The following CACNA2D3 variants were observed in gnomAD, a reference collection of about 807,000 sequenced individuals.
CACNA2D3 encodes the protein voltage-dependent calcium channel subunit alpha-2/delta-3.
In CACNA2D3, 60 loss-of-function variants were observed where a neutral mutation model predicts 160.6. The ratio of observed to expected loss-of-function variants is 0.37; its 90% CI spans 0.30 to 0.46. The LOEUF (loss-of-function observed/expected upper bound fraction) is 0.46. CACNA2D3 is among the 20% of genes least tolerant of loss of function. The probability of loss-of-function intolerance (pLI) is 1.00; values close to 1 mark genes in which losing one functional copy is unlikely to be tolerated. For synonymous variants in CACNA2D3, 558 were observed against 492.9 expected (o/e 1.13, Z -1.75); for missense variants, 1,205 against 1,365.0 (o/e 0.88, Z 1.85).
chr3:54,428,632 A>G (rs1274658866), intron 4 of CACNA2D3, among the ~76,000 whole-genome samples: 2 of 152,038 alleles, frequency 1.3e-5, no homozygotes, highest in African/African-American at 4.8e-5. Flanking sequence ...TGTCCACCCA[A>G]ATGGGCCTTA....
In CACNA2D3 at chr3:54,891,466, C is replaced by G. The variant is rs137949841; in HGVS notation, c.2246+16C>G. On this transcript the variant is annotated intron_variant, in intron 25 of 37. Coordinates refer to ENST00000474759, the MANE Select transcript of CACNA2D3 (RefSeq NM_018398.3). ...TCACCAATCAGTAAGTAGGAGGGAT[C>G]CTCTACAGGGGCCCAGGGAGCTTCT... is the stretch of plus-strand genomic sequence containing the variant. 1 of 1,578,746 alleles carries G rather than the reference C, an allele frequency of 6.3e-7. No homozygotes were observed.
chr3:54,315,169 T>C (rs1462116533), intron 2 of CACNA2D3, among the ~76,000 whole-genome samples: 1 of 152,208 alleles, frequency 6.6e-6, no homozygotes, highest in Non-Finnish European at 1.5e-5. Context: ...GTAGCCTGCA[T>C]GTGGCCATGG....
At chr3:54,220,936 T>G (rs1010454788) in intron 2 of CACNA2D3, among the ~76,000 whole-genome samples, 1 of 152,146 alleles carries the variant, frequency 6.6e-6, no homozygotes, top group Non-Finnish European at 1.5e-5. Flanking sequence ...TCTAAGATGC[T>G]GAGATATTAT....
chr3:55,051,104 C>G (rs762519716), intron 35 of CACNA2D3, among the ~76,000 whole-genome samples: 1 of 150,828 alleles, frequency 6.6e-6, no homozygotes, highest in African/African-American at 2.4e-5. Flanking sequence ...TCTCTCAGCT[C>G]GTCAAAGTCA....
At position 54,231,778 on chromosome 3, in the gene CACNA2D3, A is replaced by G. The variant is rs1701774107; in HGVS notation, c.205-88664A>G. 2.0e-5 allele frequency among the ~76,000 whole-genome samples: 3 copies of G among 147,112 alleles called. No homozygotes were observed. The South Asian group carries it at 6.7e-4, about 33-fold the overall frequency. ...ACATGGTCTTGTCAAGGCCAAGGTT[A>G]TTGGTTTCATGTTCGTCATATTCCA... On this transcript the variant is annotated intron_variant, in intron 2 of 37. Transcript: ENST00000474759.
intron 10 of CACNA2D3, among the ~76,000 whole-genome samples, chr3:54,634,767 G>A (rs1699327303): frequency 6.6e-6 from 1 of 152,164 alleles, no homozygotes; most frequent in South Asian, 2.1e-4. Flanking sequence ...CATCAGTTAA[G>A]GCAAGGACTG....
intron 2 of CACNA2D3, among the ~76,000 whole-genome samples, chr3:54,229,451 C>G (rs569418658): frequency 9.9e-5 from 15 of 152,252 alleles, no homozygotes; most frequent in Non-Finnish European, 1.8e-4. Context: ...CCTTGGCCTC[C>G]CAAAGTGCTG....
At chr3:54,475,896 A>G (rs1234941642) in intron 4 of CACNA2D3, among the ~76,000 whole-genome samples, 2 of 150,844 alleles carry the variant, frequency 1.3e-5, no homozygotes, top group East Asian at 2.0e-4. Context: ...TATTCAGTGC[A>G]TTAGTATTAA....
intron 34 of CACNA2D3, among the ~76,000 whole-genome samples, chr3:55,011,648 G>A (rs948488209): frequency 1.3e-5 from 2 of 152,098 alleles, no homozygotes; most frequent in Non-Finnish European, 2.9e-5. Context: ...ACATAAAATG[G>A]TGGGAGGAAG....
intron 4 of CACNA2D3, among the ~76,000 whole-genome samples, chr3:54,459,190 G>C (rs1700453988): frequency 6.6e-6 from 1 of 152,094 alleles, no homozygotes; most frequent in African/African-American, 2.4e-5. Context: ...ATTTGGGTTG[G>C]TTCCAAGTCT....
intron 2 of CACNA2D3, among the ~76,000 whole-genome samples, chr3:54,317,152 C>T (rs1467494357): frequency 6.6e-6 from 1 of 152,168 alleles, no homozygotes; most frequent in Non-Finnish European, 1.5e-5. Flanking sequence ...GGAATTTTAG[C>T]TCCAAAGATA....
At chr3:54,502,233 C>T (rs920800196) in intron 4 of CACNA2D3, among the ~76,000 whole-genome samples, 2 of 152,140 alleles carry the variant, frequency 1.3e-5, no homozygotes, top group Non-Finnish European at 2.9e-5. Context: ...AGTTTCCATT[C>T]TTCTCAGTCT....
chr3:54,130,079 G>A (rs1301085373), intron 2 of CACNA2D3, among the ~76,000 whole-genome samples: 1 of 152,220 alleles, frequency 6.6e-6, no homozygotes, highest in African/African-American at 2.4e-5. Flanking sequence ...TATGTAATTT[G>A]TGGTCCTCAG....
Position 54,287,263 on chromosome 3 carries a change from G to T in CACNA2D3, c.205-33179G>T, listed in dbSNP as rs527260718. Among the ~76,000 whole-genome samples the T allele has an allele frequency of 2.6e-5, 4 of 152,246 alleles. No homozygotes were observed. The South Asian group carries it at 8.3e-4, about 32-fold the overall frequency. On this transcript the variant is annotated intron_variant, in intron 2 of 37. Coordinates refer to ENST00000474759, the MANE Select transcript of CACNA2D3 (RefSeq NM_018398.3). ...CCAAGCAAATGGAAAACAAAAAAAG[G>T]CAGGGGTTGCAATCCTAGTCTCTGA...
chr3:54,235,808 C>T (rs1400531087), intron 2 of CACNA2D3, among the ~76,000 whole-genome samples: 1 of 152,172 alleles, frequency 6.6e-6, no homozygotes, highest in Non-Finnish European at 1.5e-5. Flanking sequence ...AGTAGCTGCT[C>T]CGGCTTCCGG....
chr3:54,209,415 GAGAACTTTCAAC>G (rs1304898191), intron 2 of CACNA2D3, among the ~76,000 whole-genome samples: 1 of 152,178 alleles, frequency 6.6e-6, no homozygotes, highest in African/African-American at 2.4e-5. Context: ...ATAGATGTGA[GAGAACTTTCAAC>G]AGAACTTTCA....
chr3:55,070,556 A>G (rs1704780038), intron 35 of CACNA2D3, among the ~76,000 whole-genome samples: 1 of 152,168 alleles, frequency 6.6e-6, no homozygotes, highest in South Asian at 2.1e-4. Context: ...ACATCCTTGA[A>G]GAAGCCTGAA....
chr3:54,870,894 G>T (rs1315255603), intron 17 of CACNA2D3, among the ~76,000 whole-genome samples: 2 of 152,192 alleles, frequency 1.3e-5, no homozygotes, highest in Non-Finnish European at 2.9e-5. Context: ...CAGTGCTTTT[G>T]CTTCCTAGCT....
chr3:54,293,372 TC>T (rs1352122499), intron 2 of CACNA2D3, among the ~76,000 whole-genome samples: 2 of 152,004 alleles, frequency 1.3e-5, no homozygotes, highest in Non-Finnish European at 2.9e-5. Context: ...TTCCCCAGAG[TC>T]CCCATAGTCC....
Sources: allele counts gnomAD v4.1 joint callset (sites outside exome capture counted in the v4.1 genomes callset), GRCh38; gene constraint gnomAD v4.1.1; transcripts MANE v1.5; gene names NCBI Gene and HGNC (gene_info 2026-07-23, HGNC 2026-07-21).